The following ZNF385D variants were observed in gnomAD, a reference collection of about 807,000 sequenced individuals.
ZNF385D encodes the protein zinc finger protein 385D, also known as zinc finger protein 659.
ZNF385D carries 15 observed loss-of-function variants against 35.8 expected under a neutral mutation model. That is an observed-to-expected ratio of 0.42 (90% CI 0.28 to 0.64). ZNF385D has a LOEUF of 0.64. ZNF385D is among the 30% of genes least tolerant of loss of function. The pLI is 0.23. For missense variants in ZNF385D, 474 were observed against 494.6 expected (o/e 0.96, Z 0.39); for synonymous variants, 212 against 186.8 (o/e 1.13, Z -1.10).
intron 4 of ZNF385D, among the ~76,000 whole-genome samples, chr3:21,456,738 A>T (rs1195976150): frequency 1.3e-5 from 2 of 151,246 alleles, no homozygotes; most frequent in Non-Finnish European, 2.9e-5. Context: ...AGTATAATAA[A>T]AAATAAATAA....
intron 2 of ZNF385D, among the ~76,000 whole-genome samples, chr3:22,190,902 CTG>C (rs1695976078): frequency 6.6e-6 from 1 of 151,908 alleles, no homozygotes; most frequent in African/African-American, 2.4e-5. Context: ...AAAGGATACT[CTG>C]TGAATTTCTA....
intron 2 of ZNF385D, among the ~76,000 whole-genome samples, chr3:22,259,478 G>C (rs1242417825): frequency 1.3e-5 from 2 of 151,828 alleles, no homozygotes; most frequent in Non-Finnish European, 2.9e-5. Flanking sequence ...ATGATAAAAT[G>C]CAAGTAGTTT....
chr3:22,254,921 G>A (rs1480328406), intron 2 of ZNF385D, among the ~76,000 whole-genome samples: 1 of 151,740 alleles, frequency 6.6e-6, no homozygotes, highest in Non-Finnish European at 1.5e-5. Context: ...ACTAACATGG[G>A]GGTAGTGTAT....
chr3:21,848,997 T>C (rs1696198738), intron 3 of ZNF385D, among the ~76,000 whole-genome samples: 1 of 152,110 alleles, frequency 6.6e-6, no homozygotes, highest in Admixed American at 6.6e-5. Context: ...TTGAGACTTC[T>C]TTCTTAAAGT....
At chr3:22,061,180 G>A (rs553721563) in intron 3 of ZNF385D, among the ~76,000 whole-genome samples, 1 of 152,126 alleles carries the variant, frequency 6.6e-6, no homozygotes, top group African/African-American at 2.4e-5. Flanking sequence ...TTGGTTTTCT[G>A]AAATTCCTTC....
intron 2 of ZNF385D, among the ~76,000 whole-genome samples, chr3:22,265,843 G>A (rs748266746): frequency 8.6e-5 from 13 of 151,912 alleles, no homozygotes; most frequent in Admixed American, 2.6e-4. Context: ...ATTTTTGCAC[G>A]TGGGAAAATA....
chr3:21,779,835 A>G (rs1037514238), intron 3 of ZNF385D, among the ~76,000 whole-genome samples: 8 of 151,862 alleles, frequency 5.3e-5, no homozygotes, highest in African/African-American at 1.9e-4. Flanking sequence ...GGATCTACCA[A>G]CTCATTTATT....
intron 2 of ZNF385D, among the ~76,000 whole-genome samples, chr3:21,640,745 G>C (rs1407321379): frequency 2.6e-5 from 4 of 152,106 alleles, no homozygotes; most frequent in Non-Finnish European, 5.9e-5. Context: ...TTTTGTTATA[G>C]AAGCCAGAGC....
intron 3 of ZNF385D, among the ~76,000 whole-genome samples, chr3:21,974,043 C>T (rs1324443138): frequency 6.6e-6 from 1 of 151,936 alleles, no homozygotes; most frequent in Non-Finnish European, 1.5e-5. Flanking sequence ...ATACCAATAA[C>T]ATTCTTCACA....
chr3:21,634,795 T>A (rs1388926626), intron 2 of ZNF385D, among the ~76,000 whole-genome samples: 1 of 151,998 alleles, frequency 6.6e-6, no homozygotes, highest in African/African-American at 2.4e-5. Context: ...TTTCCTTCAG[T>A]GTGTTCTATG....
chr3:21,535,422 T>C (rs1158617122), intron 3 of ZNF385D, among the ~76,000 whole-genome samples: 2 of 150,086 alleles, frequency 1.3e-5, no homozygotes, highest in African/African-American at 4.9e-5. Flanking sequence ...CTGAAGAAAC[T>C]GGGTTTTCAG....
intron 3 of ZNF385D, among the ~76,000 whole-genome samples, chr3:21,964,676 G>T (rs138916107): frequency 4.6e-5 from 7 of 151,582 alleles, no homozygotes; most frequent in Admixed American, 2.0e-4. Context: ...ATTTTTAGTA[G>T]AGATGGGGTT....
chr3:22,044,617 G>A (rs767401543), intron 3 of ZNF385D, among the ~76,000 whole-genome samples: 1 of 152,064 alleles, frequency 6.6e-6, no homozygotes, highest in South Asian at 2.1e-4. Context: ...ATGAATTTTG[G>A]AGTAAAGGTT....
rs542045344 is a variant in ZNF385D, at chr3:22,058,880, C to CA, written c.325+109936dup. 2.3e-3 allele frequency among the ~76,000 whole-genome samples: 345 copies of CA among 152,302 alleles called. 1 individual carries two copies. Among genetic ancestry groups the CA allele is most frequent in the African/African-American group, 8.0e-3 (332 of 41,582 alleles). The stretch of plus-strand genomic sequence containing the variant: ...GTTAGTGGGGACCACTATCCACCTC[C>CA]ATAGCAAGAAGTTTGGTGTCTTCTC... On this transcript the variant is annotated intron_variant, in intron 3 of 5. Transcript: ENST00000494108.
At chr3:21,593,717 T>G (rs1016615939) in intron 2 of ZNF385D, among the ~76,000 whole-genome samples, 6 of 151,930 alleles carry the variant, frequency 3.9e-5, no homozygotes, top group Non-Finnish European at 8.8e-5. Flanking sequence ...TAGACTTTTT[T>G]TAAAAATTAC....
At chr3:21,594,396 T>C (rs896131963) in intron 2 of ZNF385D, among the ~76,000 whole-genome samples, 3 of 152,134 alleles carry the variant, frequency 2.0e-5, no homozygotes, top group African/African-American at 7.2e-5. Context: ...AATGAAATGC[T>C]CCTAGGAAAG....
intron 2 of ZNF385D, among the ~76,000 whole-genome samples, chr3:22,268,684 G>A (rs1424188432): frequency 4.6e-5 from 7 of 152,016 alleles, no homozygotes; most frequent in African/African-American, 1.7e-4. Context: ...GAATATTTAA[G>A]CAGATATAAC....
chr3:22,123,400 AGT>A (rs1703214896), intron 3 of ZNF385D, among the ~76,000 whole-genome samples: 1 of 152,098 alleles, frequency 6.6e-6, no homozygotes, highest in Non-Finnish European at 1.5e-5. Flanking sequence ...TGATGAGGTA[AGT>A]GTATATATTT....
chr3:22,066,667 G>A (rs138758425), intron 3 of ZNF385D, among the ~76,000 whole-genome samples: 1 of 151,500 alleles, frequency 6.6e-6, no homozygotes, highest in African/African-American at 2.4e-5. Context: ...GTTGTAGGAG[G>A]CAGTAACAAG....
Sources: allele counts gnomAD v4.1 joint callset (sites outside exome capture counted in the v4.1 genomes callset), GRCh38; gene constraint gnomAD v4.1.1; transcripts MANE v1.5; gene names NCBI Gene and HGNC (gene_info 2026-07-23, HGNC 2026-07-21).